MTBP: variants seen among roughly 807,000 people sequenced by gnomAD.
MTBP encodes mdm2-binding protein.
In MTBP, 101 loss-of-function variants were observed where a neutral mutation model predicts 117.0. That is an observed-to-expected ratio of 0.86 (90% CI 0.73 to 1.02). The LOEUF (loss-of-function observed/expected upper bound fraction) is 1.02, where lower values mean the gene tolerates loss of function less well. Among genes scored for constraint, MTBP ranks in the 50% least tolerant of loss-of-function variants. The probability of loss-of-function intolerance (pLI) is 0.00; values close to 1 mark genes in which losing one functional copy is unlikely to be tolerated. For missense variants in MTBP, 970 were observed against 1,030.9 expected (o/e 0.94, Z 0.81); for synonymous variants, 350 against 351.5 (o/e 1.00, Z 0.05).
intron 20 of MTBP, among the ~76,000 whole-genome samples, chr8:120,520,206 A>T (rs1286924163): frequency 6.6e-6 from 1 of 152,184 alleles, no homozygotes; most frequent in African/African-American, 2.4e-5. Context: ...CATAAAAACT[A>T]TAATTCTCAT....
At chr8:120,454,638 C>T (rs1281616373) in intron 5 of MTBP, among the ~76,000 whole-genome samples, 1 of 151,954 alleles carries the variant, frequency 6.6e-6, no homozygotes, top group Non-Finnish European at 1.5e-5. Flanking sequence ...GAGCTTTTAG[C>T]TTATAGTCAG....
At chr8:120,475,742 T>A (rs543304136) in intron 11 of MTBP, among the ~76,000 whole-genome samples, 1 of 152,000 alleles carries the variant, frequency 6.6e-6, no homozygotes, top group Admixed American at 6.6e-5. Flanking sequence ...GTCAACCTTA[T>A]TACATTTCAA....
rs543752222 is a variant in MTBP, at chr8:120,454,676, A to G, written c.485-759A>G. 8.5e-5 allele frequency among the ~76,000 whole-genome samples: 13 copies of G among 152,200 alleles called. No individual in the cohort carries two copies. In the East Asian group the frequency reaches 2.5e-3, roughly 29 times the overall value. On this transcript the variant is annotated intron_variant, in intron 5 of 21. Coordinates refer to ENST00000305949, the MANE Select transcript of MTBP (RefSeq NM_022045.5). ...AGATCTCTATATTCAAGGAGATCATATATTAGTACAAAAAGCCCCACATAG... is the reference window on the plus strand; with the variant it reads ...AGATCTCTATATTCAAGGAGATCATGTATTAGTACAAAAAGCCCCACATAG...
rs1479541462 is a variant in MTBP, at chr8:120,506,835, T to A, written c.1857T>A (p.Asp619Glu). ...YFTSDGLPIG[D>E]LQPLPIQKGE... ...CCTCAGATGGATTACCCATTGGAGA[T>A]CTTCAACCTTTACCGATTCAAAAGG... is the stretch of plus-strand genomic sequence containing the variant. The change falls in exon 16 of 22, where the codon GAT becomes GAA. Residue 619 changes from aspartate (D) to glutamate (E), a missense_variant. Physicochemically the swap from Asp to Glu is conservative, Grantham distance 45 (BLOSUM62 2). Transcript: ENST00000305949. The A allele has an allele frequency of 6.2e-7, 1 of 1,611,320 alleles. No homozygotes were observed. Among genetic ancestry groups the A allele is most frequent in the Non-Finnish European group, 8.5e-7 (1 of 1,179,084 alleles).
intron 20 of MTBP, 104 bp from the exon 21 acceptor site, chr8:120,522,550 C>A: frequency 1.4e-6 from 1 of 739,458 alleles, no homozygotes. Context: ...CACATTAATA[C>A]GTGTAGAATG....
At chr8:120,508,941 C>A (rs1010209741) in intron 16 of MTBP, among the ~76,000 whole-genome samples, 11 of 152,056 alleles carry the variant, frequency 7.2e-5, no homozygotes, top group African/African-American at 2.7e-4. Context: ...CTCTTCTTTC[C>A]CAGATTTTGA....
intron 17 of MTBP, among the ~76,000 whole-genome samples, chr8:120,514,357 A>G (rs1814877088): frequency 6.6e-6 from 1 of 151,994 alleles, no homozygotes; most frequent in South Asian, 2.1e-4. Context: ...TTTAATCTAC[A>G]TCTTTCCATA....
At chr8:120,481,566 T>A (rs1239291126) in intron 11 of MTBP, among the ~76,000 whole-genome samples, 3 of 152,142 alleles carry the variant, frequency 2.0e-5, no homozygotes, top group Admixed American at 6.6e-5. Flanking sequence ...GATTATTTAT[T>A]GTCAGATCAT....
At chr8:120,513,756 T>G (rs1179535840) in intron 17 of MTBP, among the ~76,000 whole-genome samples, 2 of 152,070 alleles carry the variant, frequency 1.3e-5, no homozygotes, top group Non-Finnish European at 2.9e-5. Context: ...TCAGGCATTA[T>G]ATTGCCTCTT....
intron 11 of MTBP, among the ~76,000 whole-genome samples, chr8:120,484,790 G>A (rs1038285658): frequency 5.3e-5 from 8 of 152,090 alleles, no homozygotes; most frequent in Non-Finnish European, 8.8e-5. Flanking sequence ...CCCCATACGT[G>A]TTAGCAATCA....
At chr8:120,477,933 A>G (rs796822570) in intron 11 of MTBP, among the ~76,000 whole-genome samples, 7 of 152,310 alleles carry the variant, frequency 4.6e-5, no homozygotes, top group Non-Finnish European at 5.9e-5. Flanking sequence ...AAATCATTCT[A>G]CTATACAGAC....
At chr8:120,456,789 A>G in intron 7 of MTBP, 119 bp downstream of exon 7, 1 of 674,348 alleles carries the variant, frequency 1.5e-6, no homozygotes. Flanking sequence ...AGCACTAAGT[A>G]GAACTTTCTG....
At chr8:120,456,490 A>G (rs767515188) in intron 6 of MTBP, 63 bp from the exon 7 acceptor site, 7 of 1,047,106 alleles carry the variant, frequency 6.7e-6, no homozygotes, top group African/African-American at 3.3e-5. Context: ...GTAGTTAACT[A>G]TAATGATTAA....
At chr8:120,470,480 A>G (rs1346186431) in intron 10 of MTBP, among the ~76,000 whole-genome samples, 2 of 152,226 alleles carry the variant, frequency 1.3e-5, no homozygotes, top group African/African-American at 2.4e-5. Flanking sequence ...TCAGCCTTAC[A>G]CTGTTTTGTA....
Position 120,455,460 on chromosome 8 carries a change from G to C in MTBP, c.510G>C (p.Leu170=), listed in dbSNP as rs570548354. The change falls in exon 6 of 22, where the codon CTG becomes CTC. Residue 170 remains leucine (L), a synonymous_variant. Coordinates refer to ENST00000305949, the MANE Select transcript of MTBP (RefSeq NM_022045.5). The part of the protein sequence containing the change: ...APGRAMVDII[L]LLSDKDPPKL... ...GTAGAGCAATGGTAGATATAATACT[G>C]TTGCTTTCTGACAAAGATCCTCCTA... 17 of 1,608,618 alleles carry C rather than the reference G, an allele frequency of 1.1e-5. No homozygotes were observed. Among genetic ancestry groups the C allele is most frequent in the Middle Eastern group, 1.7e-4 (1 of 5,938 alleles).
chr8:120,496,746 C>T (rs966792621), intron 13 of MTBP, among the ~76,000 whole-genome samples: 2 of 151,940 alleles, frequency 1.3e-5, no homozygotes, highest in Non-Finnish European at 2.9e-5. Context: ...GCAGTGTTGC[C>T]TATCTAATAG....
rs200374032 is a variant in MTBP, at chr8:120,502,586, T to C, written c.1704T>C (p.Phe568=). ...ERHVLQNLET[F]EKTKQKMRTG... ...ATGTTCTTCAAAATTTGGAAACTTTTGAAAAAACTAAACAAAAAATGAGGT... is the reference window on the plus strand; with the variant it reads ...ATGTTCTTCAAAATTTGGAAACTTTCGAAAAAACTAAACAAAAAATGAGGT... Residue 568 remains phenylalanine (F), a synonymous_variant, in exon 15 of 22, where the codon TTT becomes TTC. Transcript: ENST00000305949. 1.2e-6 allele frequency: 2 copies of C among 1,601,796 alleles called. No individual in the cohort carries two copies. Among genetic ancestry groups the C allele is most frequent in the East Asian group, 4.5e-5 (2 of 44,598 alleles).
chr8:120,468,173 ATTC>A (rs1008824738), intron 10 of MTBP, among the ~76,000 whole-genome samples: 1 of 152,128 alleles, frequency 6.6e-6, no homozygotes, highest in Non-Finnish European at 1.5e-5. Flanking sequence ...TTAATTTCTA[ATTC>A]TTAACTACAT....
chr8:120,482,948 C>G (rs1814122613), intron 11 of MTBP, among the ~76,000 whole-genome samples: 1 of 151,890 alleles, frequency 6.6e-6, no homozygotes, highest in Non-Finnish European at 1.5e-5. Flanking sequence ...ATCCATCCAC[C>G]TCAGCCTCCC....
Sources: allele counts gnomAD v4.1 joint callset (sites outside exome capture counted in the v4.1 genomes callset), GRCh38; gene constraint gnomAD v4.1.1; transcripts MANE v1.5; gene names NCBI Gene and HGNC (gene_info 2026-07-23, HGNC 2026-07-21).